The following DHRSX variants were observed in gnomAD, a reference collection of about 807,000 sequenced individuals.
DHRSX encodes polyprenol dehydrogenase.
In DHRSX, 31 loss-of-function variants were observed where a neutral mutation model predicts 34.0. The ratio of observed to expected loss-of-function variants is 0.91; its 90% CI spans 0.69 to 1.23. The LOEUF is 1.23. Among genes scored for constraint, DHRSX ranks in the 50% most tolerant of loss-of-function variants. The probability of loss-of-function intolerance (pLI) is 0.00; values close to 1 mark genes in which losing one functional copy is unlikely to be tolerated. For synonymous variants in DHRSX, 201 were observed against 183.8 expected (o/e 1.09, Z -0.76); for missense variants, 414 against 428.1 (o/e 0.97, Z 0.29).
At chrX:2,354,890 A>AG (rs2042830352) in intron 3 of DHRSX, among the ~76,000 whole-genome samples, 1 of 152,222 alleles carries the variant, frequency 6.6e-6, no homozygotes, top group Non-Finnish European at 1.5e-5. Context: ...CGCATCCTCC[A>AG]GGGGTGAAGA....
intron 5 of DHRSX, among the ~76,000 whole-genome samples, chrX:2,247,437 G>A (rs2016323406): frequency 6.6e-6 from 1 of 151,542 alleles, no homozygotes; most frequent in Non-Finnish European, 1.5e-5. Flanking sequence ...GGCAGATCCC[G>A]AGGTCAGGAG....
At chrX:2,419,026 C>T (rs1296043615) in intron 2 of DHRSX, among the ~76,000 whole-genome samples, 7 of 152,176 alleles carry the variant, frequency 4.6e-5, no homozygotes, top group Non-Finnish European at 7.3e-5. Flanking sequence ...AATACACTCT[C>T]AGATGGGCAC....
At chrX:2,302,005 T>C (rs1324953583) in intron 3 of DHRSX, among the ~76,000 whole-genome samples, 1 of 152,084 alleles carries the variant, frequency 6.6e-6, no homozygotes, top group Non-Finnish European at 1.5e-5. Context: ...GAGGTGGACA[T>C]GGCTCCGATA....
chrX:2,245,187 T>C (rs2016248196), intron 5 of DHRSX, among the ~76,000 whole-genome samples: 1 of 152,094 alleles, frequency 6.6e-6, no homozygotes, highest in Non-Finnish European at 1.5e-5. Context: ...TAGATGCATA[T>C]CTGATCACCT....
chrX:2,432,628 G>A (rs1197704749), intron 1 of DHRSX, among the ~76,000 whole-genome samples: 8 of 152,136 alleles, frequency 5.3e-5, no homozygotes, highest in South Asian at 4.1e-4. Context: ...GTTGGGGCAC[G>A]TGAAGCCACA....
At chrX:2,432,813 A>T (rs929903867) in intron 1 of DHRSX, among the ~76,000 whole-genome samples, 3 of 152,224 alleles carry the variant, frequency 2.0e-5, no homozygotes, top group Non-Finnish European at 4.4e-5. Flanking sequence ...GATAGATTTC[A>T]CTATTTAAAA....
At chrX:2,285,594 G>A (rs2041795351) in intron 4 of DHRSX, among the ~76,000 whole-genome samples, 1 of 152,110 alleles carries the variant, frequency 6.6e-6, no homozygotes, top group Non-Finnish European at 1.5e-5. Context: ...TGTGCGGCCG[G>A]TGTCCTAACA....
At chrX:2,244,302 C>CCTCTCTCTCTCTCTCTCTCT (rs780533250) in intron 5 of DHRSX, among the ~76,000 whole-genome samples, 1 of 150,534 alleles carries the variant, frequency 6.6e-6, no homozygotes, top group African/African-American at 2.4e-5. Context: ...GAGTAACGTG[C>CCTCTCTCTCTCTCTCTCTCT]CTCTCTCTCT....
chrX:2,360,510 G>A (rs892964982), intron 3 of DHRSX, among the ~76,000 whole-genome samples: 7 of 152,132 alleles, frequency 4.6e-5, no homozygotes, highest in Non-Finnish European at 1.0e-4. Context: ...TTGAACCCGG[G>A]AGGCGGAGAT....
At chrX:2,250,021 G>A in intron 5 of DHRSX, among the ~76,000 whole-genome samples, 2 of 152,016 alleles carry the variant, frequency 1.3e-5, no homozygotes, top group Admixed American at 1.3e-4. Context: ...AAGTTAGCCA[G>A]GAGTGGTGGC....
At chrX:2,490,269 C>T in intron 1 of DHRSX, 2 of 1,613,888 alleles carry the variant, frequency 1.2e-6, no homozygotes, top group Non-Finnish European at 1.7e-6. Flanking sequence ...TTCAGCAGCA[C>T]CTTGAAGGTG....
rs774187723 is a variant in DHRSX at position 2,482,235 on chromosome X, T to A, written c.109+18582A>T. ...GCCTCCAACTCCCTGGCTCAAGTGA[T>A]CCTCCCACCTCAGCCTCCTGTGTAA... On this transcript the variant is annotated intron_variant, in intron 1 of 6. Coordinates refer to ENST00000334651, the MANE Select transcript of DHRSX (RefSeq NM_145177.3). Among the ~76,000 whole-genome samples, 19 of 152,016 alleles carry A rather than the reference T, an allele frequency of 1.2e-4. No homozygotes were observed. The South Asian group carries it at 3.7e-3, about 30-fold the overall frequency.
chrX:2,328,292 A>G (rs2042413761), intron 3 of DHRSX, among the ~76,000 whole-genome samples: 1 of 151,746 alleles, frequency 6.6e-6, no homozygotes, highest in Admixed American at 6.6e-5. Flanking sequence ...ATTCTGTGAT[A>G]GCAGCCTGAA....
At chrX:2,301,701 C>T (rs1265359666) in intron 3 of DHRSX, among the ~76,000 whole-genome samples, 1 of 152,016 alleles carries the variant, frequency 6.6e-6, no homozygotes, top group African/African-American at 2.4e-5. Flanking sequence ...TGCGGTGGTG[C>T]GATCTCGGCT....
chrX:2,264,810 C>T (rs1470174810), intron 5 of DHRSX, among the ~76,000 whole-genome samples: 1 of 151,660 alleles, frequency 6.6e-6, no homozygotes, highest in East Asian at 1.9e-4. Context: ...GCCCAGAGCA[C>T]AATGCTCAGG....
intron 3 of DHRSX, among the ~76,000 whole-genome samples, chrX:2,332,514 T>C (rs2042492281): frequency 6.6e-6 from 1 of 152,138 alleles, no homozygotes; most frequent in African/African-American, 2.4e-5. Flanking sequence ...GTGCCAAACA[T>C]TTGGATATCC....
chrX:2,258,195 G>A (rs1233401837), intron 5 of DHRSX, among the ~76,000 whole-genome samples: 2 of 150,914 alleles, frequency 1.3e-5, no homozygotes, highest in African/African-American at 2.4e-5. Context: ...AAGCTACACA[G>A]TCTATGGTAT....
At chrX:2,260,352 G>A (rs2041346485) in intron 5 of DHRSX, among the ~76,000 whole-genome samples, 1 of 151,940 alleles carries the variant, frequency 6.6e-6, no homozygotes, top group African/African-American at 2.4e-5. Flanking sequence ...CAGCTCCTGG[G>A]GGCTCCAGGC....
chrX:2,419,984 A>T (rs989643208), intron 2 of DHRSX, among the ~76,000 whole-genome samples: 1 of 152,110 alleles, frequency 6.6e-6, no homozygotes, highest in Admixed American at 6.5e-5. Flanking sequence ...AATTTTAAAA[A>T]AAAAGTTTCT....
Sources: gnomAD v4.1 joint callset for allele counts (sites outside exome capture counted in the v4.1 genomes callset) on GRCh38, gnomAD v4.1.1 for gene constraint, MANE v1.5 for transcripts, NCBI Gene and HGNC (gene_info 2026-07-23, HGNC 2026-07-21) for gene names.